The following MGA variants were observed in gnomAD, a reference collection of about 807,000 sequenced individuals.
MGA encodes the protein MAX gene-associated protein.
MGA carries 40 observed loss-of-function variants against 261.1 expected under a neutral mutation model. That is an observed-to-expected ratio of 0.15 (90% CI 0.12 to 0.20). The LOEUF (loss-of-function observed/expected upper bound fraction) is 0.20, where lower values mean the gene tolerates loss of function less well. MGA is among the 10% of genes least tolerant of loss of function. The pLI is 1.00. For missense variants in MGA, 3,397 were observed against 3,630.5 expected (o/e 0.94, Z 1.65); for synonymous variants, 1,302 against 1,290.6 (o/e 1.01, Z -0.19).
rs531057764 is a variant in MGA, at chr15:41,668,721, A to G, written c.-67-107A>G. 11 of 463,046 alleles carry G rather than the reference A, an allele frequency of 2.4e-5. No individual in the cohort carries two copies. In the East Asian group the frequency reaches 3.1e-4, roughly 13 times the overall value. The allele number at this position is 463,046 out of a possible 1,614,324, so 28.7% of individuals were successfully genotyped here. On this transcript the variant is annotated intron_variant, in intron 1 of 23. Coordinates refer to ENST00000219905, the MANE Select transcript of MGA (RefSeq NM_001164273.2). The stretch of plus-strand genomic sequence containing the variant: ...AGCAAAGTCTTAGAAGAATTTAGGA[A>G]TATTTTGGGGATAACATAATCGTTC...
At chr15:41,753,325 G>A (rs1390674339) in intron 17 of MGA, among the ~76,000 whole-genome samples, 1 of 151,326 alleles carries the variant, frequency 6.6e-6, no homozygotes, top group East Asian at 1.9e-4. Flanking sequence ...CAGGAGAATC[G>A]TTTGAATCCC....
intron 1 of MGA, among the ~76,000 whole-genome samples, chr15:41,634,117 A>AT (rs2056651198): frequency 6.6e-6 from 1 of 151,704 alleles, no homozygotes; most frequent in African/African-American, 2.4e-5. Context: ...TCCCTGCTTT[A>AT]TTTTTTTCTG....
intron 15 of MGA, among the ~76,000 whole-genome samples, chr15:41,744,351 A>C (rs534647347): frequency 6.6e-6 from 1 of 151,940 alleles, no homozygotes; most frequent in East Asian, 1.9e-4. Flanking sequence ...CTACAGGTTT[A>C]TGCCACCACG....
At chr15:41,764,090 C>T (rs1448467081) in intron 22 of MGA, among the ~76,000 whole-genome samples, 6 of 151,380 alleles carry the variant, frequency 4.0e-5, no homozygotes, top group Non-Finnish European at 7.4e-5. Flanking sequence ...ACCCGGGTGG[C>T]GGAGGCTGCA....
chr15:41,699,747 G>T (rs545819452), intron 5 of MGA, among the ~76,000 whole-genome samples: 1 of 152,128 alleles, frequency 6.6e-6, no homozygotes, highest in Non-Finnish European at 1.5e-5. Context: ...TGATCCGCCC[G>T]CCTCGGCCTC....
At chr15:41,744,102 C>T (rs1595942163) in intron 15 of MGA, among the ~76,000 whole-genome samples, 1 of 152,186 alleles carries the variant, frequency 6.6e-6, no homozygotes, top group African/African-American at 2.4e-5. Context: ...GTCCAAATTC[C>T]TCTCTGTCTT....
At chr15:41,763,096 T>C (rs1360744592) in intron 22 of MGA, among the ~76,000 whole-genome samples, 3 of 126,566 alleles carry the variant, frequency 2.4e-5, no homozygotes, top group Non-Finnish European at 5.2e-5. Context: ...TTCTTCCTTT[T>C]TTTTTTTTTT....
chr15:41,743,014 C>G lies in MGA; in HGVS notation c.5054C>G (p.Thr1685Ser). Residue 1685 changes from threonine to serine, a missense_variant, in exon 15 of 24, where the codon ACC (threonine) becomes AGC (serine). This residue lies in a region of MGA where 1,410 missense variants were observed against 1,386.4 expected (regional missense o/e 1.02). Coordinates refer to ENST00000219905, the MANE Select transcript of MGA (RefSeq NM_001164273.2). ...AAGTCTTTGGTAGCATCTCCTTCAA[C>G]CATAACTCTTCCTGTTGCTTCCACT... The G allele has an allele frequency of 6.2e-7, 1 of 1,613,972 alleles. No homozygotes were observed. Among genetic ancestry groups the G allele is most frequent in the African/African-American group, 1.3e-5 (1 of 75,012 alleles).
chr15:41,726,664 G>A (rs1021225617), intron 9 of MGA, among the ~76,000 whole-genome samples: 2 of 151,908 alleles, frequency 1.3e-5, no homozygotes, highest in African/African-American at 4.8e-5. Context: ...GGGAGGCAGA[G>A]GTTGCCATGA....
At chr15:41,691,065 GAA>G (rs1271983501) in intron 2 of MGA, among the ~76,000 whole-genome samples, 2 of 102,366 alleles carry the variant, frequency 2.0e-5, no homozygotes, top group Non-Finnish European at 3.9e-5. Context: ...GTCCCTTTCT[GAA>G]AAAAAAAATC....
chr15:41,717,238 C>G (rs1369439009), intron 9 of MGA, among the ~76,000 whole-genome samples: 1 of 152,044 alleles, frequency 6.6e-6, no homozygotes, highest in Non-Finnish European at 1.5e-5. Flanking sequence ...TTTGGTTTGT[C>G]AAAAAATACT....
upstream of MGA, among the ~76,000 whole-genome samples, chr15:41,659,418 CAAAG>C (rs1394258611): frequency 6.6e-6 from 1 of 152,204 alleles, no homozygotes; most frequent in Non-Finnish European, 1.5e-5. Context: ...TAATTCTTAT[CAAAG>C]AAGGCAGTTT....
At chr15:41,727,925 T>C (rs1486938762) in intron 10 of MGA, among the ~76,000 whole-genome samples, 1 of 152,348 alleles carries the variant, frequency 6.6e-6, no homozygotes, top group South Asian at 2.1e-4. Context: ...CAAATCCATG[T>C]GTCCTCCTAG....
intron 1 of MGA, among the ~76,000 whole-genome samples, chr15:41,641,705 G>A (rs2056824029): frequency 6.6e-6 from 1 of 151,546 alleles, no homozygotes; most frequent in Admixed American, 6.6e-5. Context: ...GGCCAGGATG[G>A]TCTCGATCTC....
intron 10 of MGA, among the ~76,000 whole-genome samples, chr15:41,728,675 T>C (rs1326360751): frequency 6.6e-6 from 1 of 152,200 alleles, no homozygotes. Context: ...GATTTTACTG[T>C]CTTGGTGACA....
rs2060261307 is a variant in MGA at position 41,709,174 on chromosome 15, C to A, written c.2425+966C>A. ...CCAGCCTGGGCAACATGGTGAAAACCCCTCTCTACAAAAAAATGCAAAAAC... is the reference window on the plus strand; with the variant it reads ...CCAGCCTGGGCAACATGGTGAAAACACCTCTCTACAAAAAAATGCAAAAAC... On this transcript the variant is annotated intron_variant, in intron 7 of 23. Transcript: ENST00000219905. Among the ~76,000 whole-genome samples the A allele has an allele frequency of 2.0e-5, 3 of 151,964 alleles. No homozygotes were observed. In the South Asian group the frequency reaches 6.2e-4, roughly 32 times the overall value.
rs773911106 is a variant in MGA, at chr15:41,749,887, A to G, written c.6280A>G (p.Ser2094Gly). Residue 2094 changes from serine (S) to glycine (G), a missense_variant, in exon 17 of 24, where the codon AGT (serine) becomes GGT (glycine). Transcript: ENST00000219905. ...AGTTAGGACCATTTCTGAAAAAGCCAGTAATAAGACAGTCCAAAATTTAAG... is the reference window on the plus strand; with the variant it reads ...AGTTAGGACCATTTCTGAAAAAGCCGGTAATAAGACAGTCCAAAATTTAAG... 1.9e-6 allele frequency: 3 copies of G among 1,614,000 alleles called. No homozygotes were observed. Among genetic ancestry groups the G allele is most frequent in the Non-Finnish European group, 2.5e-6 (3 of 1,179,890 alleles).
At chr15:41,704,947 A>G (rs961913221) in intron 5 of MGA, among the ~76,000 whole-genome samples, 10 of 152,190 alleles carry the variant, frequency 6.6e-5, no homozygotes, top group African/African-American at 2.4e-4. Flanking sequence ...AGCTTCTAAT[A>G]TGGTGAAATG....
chr15:41,766,400 C>A lies in MGA; in HGVS notation c.8318C>A (p.Ser2773Tyr). The A allele has an allele frequency of 6.2e-7, 1 of 1,613,786 alleles. No individual in the cohort carries two copies. Among genetic ancestry groups the A allele is most frequent in the Admixed American group, 1.7e-5 (1 of 59,996 alleles). The change falls in exon 24 of 24, where the codon TCT (serine) becomes TAT (tyrosine). Residue 2773 changes from serine to tyrosine, a missense_variant. By Grantham distance (144) the Ser-to-Tyr change is moderately radical. This residue lies in a region of MGA where 647 missense variants were observed against 642.4 expected (regional missense o/e 1.01). Coordinates refer to ENST00000219905, the MANE Select transcript of MGA (RefSeq NM_001164273.2). ...GGGGAGAGAGTGAAGTCAAAGGATT[C>A]TTCATTTCATAAATTAAAGATGAAA... is the stretch of plus-strand genomic sequence containing the variant.
Sources: allele counts gnomAD v4.1 joint callset (sites outside exome capture counted in the v4.1 genomes callset), GRCh38; gene constraint gnomAD v4.1.1; regional missense constraint gnomAD v4.1.1; transcripts MANE v1.5; gene names NCBI Gene and HGNC (gene_info 2026-07-23, HGNC 2026-07-21).